Variants in ILRUN observed in about 807,000 individuals in gnomAD.
The protein encoded by ILRUN is protein ILRUN.
A neutral mutation model predicts 33.8 loss-of-function variants in ILRUN; 3 were observed. The observed-to-expected ratio is 0.09, with a 90% CI of 0.04 to 0.23. ILRUN has a LOEUF of 0.23. ILRUN is among the 10% of genes least tolerant of loss of function. ILRUN has a pLI of 1.00. For missense variants in ILRUN, 210 were observed against 375.1 expected, an observed-to-expected ratio of 0.56 and a Z score of 3.64; for synonymous variants, 124 against 138.9, an observed-to-expected ratio of 0.89 and a Z score of 0.75.
chr6:34,676,024 A>AT (rs1763221243), intron 1 of ILRUN, among the ~76,000 whole-genome samples: 1 of 152,200 alleles, frequency 6.6e-6, no homozygotes, highest in Non-Finnish European at 1.5e-5. Context: ...ACCACAATGG[A>AT]CATCCAATGC....
chr6:34,683,501 T>TATATATATATAC (rs1562033250), intron 1 of ILRUN, among the ~76,000 whole-genome samples: 1 of 91,928 alleles, frequency 1.1e-5, no homozygotes, highest in Non-Finnish European at 2.1e-5. Context: ...TATATATACA[T>TATATATATATAC]ATATATATAT....
intron 4 of ILRUN, 79 bp downstream of exon 4, chr6:34,606,476 G>T: frequency 8.5e-7 from 1 of 1,176,064 alleles, no homozygotes; most frequent in Non-Finnish European, 1.2e-6. Flanking sequence ...GGCAGTCTAG[G>T]ATTCTAGGTT....
Position 34,588,302 on chromosome 6 carries a change from G to C in ILRUN, c.*2263C>G, listed in dbSNP as rs994398740. The C allele has an allele frequency of 5.0e-6, 2 of 398,274 alleles. No individual in the cohort carries two copies. The highest frequency in any genetic ancestry group is 4.1e-5 in the African/African-American group (2 of 48,614). 24.7% of individuals were successfully genotyped at this position (398,274 alleles called of 1,614,324 possible). ...CTAGAAGCAAGAGGAAGAGCAAGAC[G>C]ACTCTGGCAGGCCCAGACCCACTGA... On this transcript the variant is annotated 3_prime_UTR_variant, in exon 5 of 5. Transcript: ENST00000374023.
In ILRUN at chr6:34,602,188, T is replaced by A. The variant is rs374790350; in HGVS notation, c.861+4367A>T. Among the ~76,000 whole-genome samples the A allele has an allele frequency of 3.4e-4, 51 of 151,844 alleles. 1 individual carries two copies. In the South Asian group the frequency reaches 1.0e-2, roughly 30 times the overall value. On this transcript the variant is annotated intron_variant, in intron 4 of 4. Coordinates refer to ENST00000374023, the MANE Select transcript of ILRUN (RefSeq NM_024294.4). ...AGTAACAAAATAAGTGAATTTGGGG[T>A]CCTCTTCAGCTCCCAGTGTAAATCA...
At chr6:34,602,269 C>G (rs115404020) in intron 4 of ILRUN, among the ~76,000 whole-genome samples, 1 of 152,134 alleles carries the variant, frequency 6.6e-6, no homozygotes, top group East Asian at 1.9e-4. Context: ...AACAGCCCCT[C>G]GATTCTGCCA....
intron 4 of ILRUN, 60 bp downstream of exon 4, chr6:34,606,495 A>T: frequency 7.3e-7 from 1 of 1,374,672 alleles, no homozygotes. Context: ...TTTGCCATGA[A>T]GGGGTATCAC....
chr6:34,629,776 G>A (rs1166876380), intron 3 of ILRUN, among the ~76,000 whole-genome samples: 1 of 152,066 alleles, frequency 6.6e-6, no homozygotes, highest in Non-Finnish European at 1.5e-5. Context: ...TTCTCCTTCT[G>A]TTATTCCCAT....
At position 34,646,680 on chromosome 6, in the gene ILRUN, G is replaced by C; in HGVS notation, c.432C>G (p.Val144=). The C allele has an allele frequency of 5.6e-6, 9 of 1,614,098 alleles. No homozygotes were observed. The highest frequency in any genetic ancestry group is 7.6e-6 in the Non-Finnish European group (9 of 1,180,030). Residue 144 remains valine (V), a synonymous_variant, in exon 3 of 5, where the codon GTC becomes GTG. Coordinates refer to ENST00000374023, the MANE Select transcript of ILRUN (RefSeq NM_024294.4). This position sits in a 1 kb window ranked among gnomAD's most constrained non-coding sequence, Gnocchi z 4.9. ...LEPQEIADVS[V]QMCSPSRAGM... is the part of the protein sequence containing the mutation. ...CTGCTCTGCTGGGGCTGCACATCTG[G>C]ACGCTGACATCTGCAATCTCTTGGG...
Position 34,682,025 on chromosome 6 carries a change from T to C in ILRUN, c.158+14421A>G, listed in dbSNP as rs888131338. On this transcript the variant is annotated intron_variant, in intron 1 of 4. Transcript: ENST00000374023. The stretch of plus-strand genomic sequence containing the variant: ...TGCCACCACACCCCACTAATTCTTA[T>C]ATTTTTATTTTTTTACTTTTTTTTT... Among the ~76,000 whole-genome samples the C allele has an allele frequency of 7.3e-4, 73 of 100,496 alleles. 3 individuals carry two copies. The highest frequency in any genetic ancestry group is 8.0e-4 in the Non-Finnish European group (38 of 47,474). The allele number at this position is 100,496 out of a possible 152,430, so 65.9% of individuals were successfully genotyped here.
chr6:34,675,605 A>G (rs1763212984), intron 1 of ILRUN, among the ~76,000 whole-genome samples: 2 of 152,214 alleles, frequency 1.3e-5, no homozygotes, highest in South Asian at 4.1e-4. Flanking sequence ...GCAGAAATCA[A>G]AAAGGAAAAG....
intron 3 of ILRUN, among the ~76,000 whole-genome samples, chr6:34,625,869 G>C (rs915591794): frequency 3.0e-5 from 3 of 101,496 alleles, no homozygotes; most frequent in African/African-American, 1.2e-4. Context: ...TTTTTTTTGA[G>C]ATAGCGAGTC....
chr6:34,673,654 T>C (rs1330969159), intron 1 of ILRUN, among the ~76,000 whole-genome samples: 2 of 151,488 alleles, frequency 1.3e-5, no homozygotes, highest in Non-Finnish European at 2.9e-5. Flanking sequence ...AGCTCAGGAG[T>C]TCAAAACTAG....
chr6:34,668,696 G>A (rs1283137732), intron 1 of ILRUN, among the ~76,000 whole-genome samples: 1 of 152,068 alleles, frequency 6.6e-6, no homozygotes, highest in African/African-American at 2.4e-5. Flanking sequence ...TTTTTTTGGA[G>A]ACAGTCTCAC....
At chr6:34,659,768 T>C (rs551363081) in intron 1 of ILRUN, among the ~76,000 whole-genome samples, 1 of 151,856 alleles carries the variant, frequency 6.6e-6, no homozygotes, top group African/African-American at 2.4e-5. Context: ...ATTACAGGCA[T>C]GTGCCACCAC....
At chr6:34,665,620 G>T (rs1326087817) in intron 1 of ILRUN, among the ~76,000 whole-genome samples, 1 of 151,840 alleles carries the variant, frequency 6.6e-6, no homozygotes, top group Non-Finnish European at 1.5e-5. Flanking sequence ...ATAGAGATAG[G>T]GTCTTGTTAC....
chr6:34,680,599 G>T (rs1318256449), intron 1 of ILRUN, among the ~76,000 whole-genome samples: 1 of 151,878 alleles, frequency 6.6e-6, no homozygotes, highest in East Asian at 1.9e-4. Flanking sequence ...TGAGTAGCTG[G>T]GATTACAGGC....
Position 34,615,231 on chromosome 6 carries a change from T to G in ILRUN, c.512-8327A>C, listed in dbSNP as rs191583818. ...ATTTGCAACTTTTCTGTAAACCTAA[T>G]TATTACAAAACATACACTAAAATAC... On this transcript the variant is annotated intron_variant, in intron 3 of 4. Coordinates refer to ENST00000374023, the MANE Select transcript of ILRUN (RefSeq NM_024294.4). Among the ~76,000 whole-genome samples the G allele has an allele frequency of 3.9e-3, 587 of 151,898 alleles. 2 individuals are homozygous for G. The highest frequency in any genetic ancestry group is 0.013 in the African/African-American group (536 of 41,444).
chr6:34,601,706 C>T lies in ILRUN; in HGVS notation c.861+4849G>A, dbSNP rs201075685. 2.2e-4 allele frequency among the ~76,000 whole-genome samples: 32 copies of T among 143,774 alleles called. No homozygotes were observed. The East Asian group carries it at 5.2e-3, about 24-fold the overall frequency. The allele number at this position is 143,774 out of a possible 152,430, so 94.3% of individuals were successfully genotyped here. ...TTTTCCAAACCTCCTCCAGTACCCG[C>T]CCCCCCAACTACTGTTTCTAAACCC... On this transcript the variant is annotated intron_variant, in intron 4 of 4. Coordinates refer to ENST00000374023, the MANE Select transcript of ILRUN (RefSeq NM_024294.4).
intron 1 of ILRUN, among the ~76,000 whole-genome samples, chr6:34,662,111 C>T (rs1395230318): frequency 8.4e-6 from 1 of 118,344 alleles, no homozygotes; most frequent in African/African-American, 3.1e-5. Context: ...GGCGACAGAG[C>T]GAGACTCCGT....
Sources: allele counts gnomAD v4.1 joint callset (sites outside exome capture counted in the v4.1 genomes callset), GRCh38; gene constraint gnomAD v4.1.1; non-coding constraint Gnocchi (gnomAD v3.1); transcripts MANE v1.5; gene names NCBI Gene and HGNC (gene_info 2026-07-23, HGNC 2026-07-21).